Variants in RBM47 observed in about 807,000 individuals in gnomAD.
RBM47 encodes the protein RNA-binding protein 47.
RBM47 carries 21 observed loss-of-function variants against 47.1 expected under a neutral mutation model. That is an observed-to-expected ratio of 0.45 (90% CI 0.32 to 0.64). The LOEUF (loss-of-function observed/expected upper bound fraction) is 0.64, where lower values mean the gene tolerates loss of function less well. Among genes scored for constraint, RBM47 ranks in the 30% least tolerant of loss-of-function variants. The pLI is 0.05. For synonymous variants in RBM47, 375 were observed against 361.7 expected, an observed-to-expected ratio of 1.04 and a Z score of -0.42; for missense variants, 708 against 870.9, an observed-to-expected ratio of 0.81 and a Z score of 2.35.
intron 2 of RBM47, among the ~76,000 whole-genome samples, chr4:40,519,390 C>G (rs983638304): frequency 6.6e-6 from 1 of 150,674 alleles, no homozygotes; most frequent in Non-Finnish European, 1.5e-5. Flanking sequence ...CTCTGCCTCC[C>G]GGGTTCAAGC....
In RBM47 at chr4:40,582,288, C is replaced by T. The variant is rs1396225829; in HGVS notation, c.-239-37782G>A. 2.0e-5 allele frequency among the ~76,000 whole-genome samples: 3 copies of T among 152,082 alleles called. No homozygotes were observed. In the South Asian group the frequency reaches 6.2e-4, roughly 31 times the overall value. On this transcript the variant is annotated intron_variant, in intron 1 of 6. Coordinates refer to ENST00000295971, the MANE Select transcript of RBM47 (RefSeq NM_001098634.2). ...GTGGCTCACGCCTGTAATCCCAGCA[C>T]TTTGGGAGGCCAAGGCAGGAGGATC...
At chr4:40,626,053 G>A (rs995790432) in intron 1 of RBM47, among the ~76,000 whole-genome samples, 3 of 152,126 alleles carry the variant, frequency 2.0e-5, no homozygotes, top group Non-Finnish European at 4.4e-5. Context: ...TCACTTTTAC[G>A]TGATCAGCTT....
chr4:40,573,788 AGAG>A, intron 1 of RBM47, among the ~76,000 whole-genome samples: 2 of 121,734 alleles, frequency 1.6e-5, no homozygotes, highest in African/African-American at 7.1e-5. Context: ...AAAGAAAGAG[AGAG>A]AGAGAGAAAG....
chr4:40,434,703 C>CAAAAA (rs201921796), intron 5 of RBM47, among the ~76,000 whole-genome samples: 12 of 103,726 alleles, frequency 1.2e-4, no homozygotes, highest in African/African-American at 4.4e-4. Context: ...TTTACACAGG[C>CAAAAA]AAAAAAAAAA....
chr4:40,460,720 T>C (rs994904066), intron 3 of RBM47, among the ~76,000 whole-genome samples: 5 of 151,436 alleles, frequency 3.3e-5, no homozygotes, highest in African/African-American at 1.2e-4. Flanking sequence ...AAACCCCATC[T>C]CTACTAAAAA....
chr4:40,501,814 C>G (rs1459809234), intron 2 of RBM47, among the ~76,000 whole-genome samples: 1 of 152,160 alleles, frequency 6.6e-6, no homozygotes, highest in Non-Finnish European at 1.5e-5. Context: ...CTTTAATACA[C>G]TATTAGAAAT....
chr4:40,432,147 C>A (rs1057166782), intron 6 of RBM47, among the ~76,000 whole-genome samples: 1 of 151,888 alleles, frequency 6.6e-6, no homozygotes, highest in Non-Finnish European at 1.5e-5. Context: ...AGCCACTGTA[C>A]CCAGCACAAA....
At chr4:40,506,603 G>C (rs1194043004) in intron 2 of RBM47, among the ~76,000 whole-genome samples, 1 of 152,188 alleles carries the variant, frequency 6.6e-6, no homozygotes, top group Non-Finnish European at 1.5e-5. Flanking sequence ...ACCAGCATGA[G>C]GTCAACCTTG....
chr4:40,483,991 A>T (rs1211139888), intron 2 of RBM47, among the ~76,000 whole-genome samples: 1 of 152,230 alleles, frequency 6.6e-6, no homozygotes, highest in Non-Finnish European at 1.5e-5. Context: ...TAATACATTG[A>T]GAAACAATCC....
chr4:40,526,817 TGCA>T (rs1726765270), intron 2 of RBM47, among the ~76,000 whole-genome samples: 3 of 94,808 alleles, frequency 3.2e-5, no homozygotes, highest in East Asian at 3.4e-4. Context: ...TTTTTTTTTT[TGCA>T]ACCTTTTAAA....
intron 2 of RBM47, among the ~76,000 whole-genome samples, chr4:40,515,608 G>A (rs1725479835): frequency 6.6e-6 from 1 of 152,058 alleles, no homozygotes; most frequent in South Asian, 2.1e-4. Context: ...TGCTGGGGTG[G>A]AAACAAAACA....
At chr4:40,544,968 G>C (rs907871937) in intron 1 of RBM47, among the ~76,000 whole-genome samples, 13 of 151,856 alleles carry the variant, frequency 8.6e-5, no homozygotes, top group Admixed American at 5.9e-4. Flanking sequence ...GCTGAGGCGA[G>C]AGGATCACTT....
chr4:40,545,342 C>T (rs1274750317), intron 1 of RBM47, among the ~76,000 whole-genome samples: 4 of 147,438 alleles, frequency 2.7e-5, no homozygotes, highest in Non-Finnish European at 6.0e-5. Flanking sequence ...TGAGCCACGG[C>T]GCCCGGCCTG....
chr4:40,606,294 G>A (rs146036181), intron 1 of RBM47, among the ~76,000 whole-genome samples: 139 of 151,974 alleles, frequency 9.1e-4, no homozygotes, highest in African/African-American at 3.1e-3. Context: ...AAGGTAGTAG[G>A]GAAATGATTG....
intron 4 of RBM47, 59 bp downstream of exon 4, chr4:40,437,712 C>G: frequency 6.7e-7 from 1 of 1,484,344 alleles, no homozygotes; most frequent in Non-Finnish European, 9.2e-7. Flanking sequence ...TCCCTGGTGC[C>G]CCCTGCCTAG....
rs973920455 is a variant in RBM47, at chr4:40,423,333, T to C, written c.*2571A>G. 6.6e-6 allele frequency: 1 copy of C among 152,192 alleles called. No homozygotes were observed. The highest frequency in any genetic ancestry group is 2.4e-5 in the African/African-American group (1 of 41,438). The allele number at this position is 152,192 out of a possible 1,614,324, so 9.4% of individuals were successfully genotyped here. A position where few individuals can be genotyped will look rare whatever the true frequency, so the allele number is the denominator to read the frequency against. On this transcript the variant is annotated 3_prime_UTR_variant, in exon 7 of 7. Transcript: ENST00000295971. ...ATACATCCTAAGAATGTACTGTAAA[T>C]GGAGCAAGATCTAAATAAAAGCTTT...
At chr4:40,481,558 CTTT>C (rs1353198149) in intron 2 of RBM47, among the ~76,000 whole-genome samples, 1 of 131,642 alleles carries the variant, frequency 7.6e-6, no homozygotes. Flanking sequence ...CATGATGTGG[CTTT>C]TTTTTTTTTT....
chr4:40,547,652 G>A (rs950683803), intron 1 of RBM47, among the ~76,000 whole-genome samples: 2 of 152,198 alleles, frequency 1.3e-5, no homozygotes, highest in Non-Finnish European at 2.9e-5. Flanking sequence ...GATGAGTAAG[G>A]AGGTCAAGGG....
intron 2 of RBM47, among the ~76,000 whole-genome samples, chr4:40,503,514 G>A (rs1381833793): frequency 6.6e-6 from 1 of 152,196 alleles, no homozygotes; most frequent in Non-Finnish European, 1.5e-5. Flanking sequence ...GGTCAAAAAG[G>A]TGAAGGTGAA....
Sources: gnomAD v4.1 joint callset for allele counts (sites outside exome capture counted in the v4.1 genomes callset) on GRCh38, gnomAD v4.1.1 for gene constraint, MANE v1.5 for transcripts, NCBI Gene and HGNC (gene_info 2026-07-23, HGNC 2026-07-21) for gene names.